The following OGDH variants were observed in gnomAD, a reference collection of about 807,000 sequenced individuals.
The protein encoded by OGDH is oxoglutarate dehydrogenase.
In OGDH, 38 loss-of-function variants were observed where a neutral mutation model predicts 116.6. The observed-to-expected ratio is 0.33, with a 90% CI of 0.25 to 0.43. The LOEUF (loss-of-function observed/expected upper bound fraction) is 0.43, where lower values mean the gene tolerates loss of function less well. OGDH is among the 20% of genes least tolerant of loss of function. The pLI, the probability that OGDH is intolerant of heterozygous loss-of-function variation, is 1.00. For missense variants in OGDH, 825 were observed against 1,357.2 expected (o/e 0.61, Z 6.16); for synonymous variants, 488 against 533.3 (o/e 0.92, Z 1.17).
chr7:44,618,201 A>G (rs1035798866), intron 1 of OGDH, among the ~76,000 whole-genome samples: 1 of 152,230 alleles, frequency 6.6e-6, no homozygotes, highest in Admixed American at 6.5e-5. Flanking sequence ...TGATAAGTTC[A>G]GTTACATTTT....
intron 1 of OGDH, among the ~76,000 whole-genome samples, chr7:44,623,890 C>T (rs148281501): frequency 0.038 from 5,846 of 152,270 alleles, 149 homozygotes; most frequent in Middle Eastern, 0.075. Flanking sequence ...GTGATCCACC[C>T]GCCTTGGCCT....
chr7:44,663,700 A>G (rs889630532), intron 4 of OGDH, among the ~76,000 whole-genome samples: 1 of 152,140 alleles, frequency 6.6e-6, no homozygotes, highest in African/African-American at 2.4e-5. Context: ...CTCAAGCCCG[A>G]GAGGCGGAAG....
chr7:44,679,268 G>T (rs1787827136), intron 9 of OGDH, among the ~76,000 whole-genome samples: 1 of 152,180 alleles, frequency 6.6e-6, no homozygotes, highest in African/African-American at 2.4e-5. Context: ...TCGGGATCAG[G>T]AAAGCATGAA....
chr7:44,642,360 G>A (rs186984197), intron 2 of OGDH, among the ~76,000 whole-genome samples: 3 of 152,306 alleles, frequency 2.0e-5, no homozygotes, highest in East Asian at 1.9e-4. Context: ...GGAGGTGGGG[G>A]TTACATTGAG....
intron 10 of OGDH, among the ~76,000 whole-genome samples, chr7:44,683,955 C>T (rs1788031156): frequency 6.6e-6 from 1 of 152,146 alleles, no homozygotes; most frequent in South Asian, 2.1e-4. Context: ...CATCACAGAC[C>T]TTATAGTTTA....
At chr7:44,650,451 G>A (rs957942331) in intron 4 of OGDH, among the ~76,000 whole-genome samples, 4 of 152,164 alleles carry the variant, frequency 2.6e-5, no homozygotes. Context: ...TAAGGCAGGG[G>A]TGATGGTACC....
chr7:44,705,076 G>A (rs187063289), intron 20 of OGDH, among the ~76,000 whole-genome samples: 1,187 of 87,192 alleles, frequency 0.014, 7 homozygotes, highest in Non-Finnish European at 0.016. Flanking sequence ...TTTTTGAGAC[G>A]GAGTCTCGCT....
At chr7:44,693,372 C>G (rs1402441571) in intron 10 of OGDH, among the ~76,000 whole-genome samples, 1 of 151,460 alleles carries the variant, frequency 6.6e-6, no homozygotes, top group Non-Finnish European at 1.5e-5. Flanking sequence ...TTCGGGAAGC[C>G]GAGACAGGAG....
chr7:44,639,194 G>C (rs1261887328), intron 2 of OGDH, among the ~76,000 whole-genome samples: 2 of 152,226 alleles, frequency 1.3e-5, no homozygotes, highest in Non-Finnish European at 2.9e-5. Context: ...CCAGATTCAG[G>C]TGTTCAGAGG....
At chr7:44,682,455 T>G (rs1787969105) in intron 10 of OGDH, among the ~76,000 whole-genome samples, 1 of 151,882 alleles carries the variant, frequency 6.6e-6, no homozygotes, top group South Asian at 2.1e-4. Context: ...CCCAGCACTT[T>G]GGGAGGCCAA....
intron 17 of OGDH, 118 bp from the exon 18 acceptor site, chr7:44,698,074 C>A: frequency 8.4e-7 from 1 of 1,189,472 alleles, no homozygotes; most frequent in Non-Finnish European, 1.2e-6. Flanking sequence ...GGAACTGAAC[C>A]CTGCCATCAA....
At chr7:44,674,184 ACAGAGG>A (rs1787589681) in intron 6 of OGDH, among the ~76,000 whole-genome samples, 1 of 152,210 alleles carries the variant, frequency 6.6e-6, no homozygotes. Flanking sequence ...AGCAGGGATT[ACAGAGG>A]CACACCACCA....
In OGDH at chr7:44,694,268, C is replaced by T. The variant is rs1195496205; in HGVS notation, c.1516-156C>T. On this transcript the variant is annotated intron_variant, in intron 11 of 22. Coordinates refer to ENST00000222673, the MANE Select transcript of OGDH (RefSeq NM_002541.4). This position sits in a 1 kb window ranked among gnomAD's most constrained non-coding sequence, Gnocchi z 4.2. ...AGCTCTACTGTGTGAAGGAGAGATA[C>T]ACAGAATCCTAATTCTAGAGAAGGT... 6.6e-6 allele frequency among the ~76,000 whole-genome samples: 1 copy of T among 152,100 alleles called. No homozygotes were observed. Among genetic ancestry groups the T allele is most frequent in the African/African-American group, 2.4e-5 (1 of 41,428 alleles).
chr7:44,680,858 C>T (rs1175492954), intron 9 of OGDH, among the ~76,000 whole-genome samples: 1 of 152,176 alleles, frequency 6.6e-6, no homozygotes, highest in African/African-American at 2.4e-5. Flanking sequence ...GAAAGGGAGG[C>T]AGCTGGACAG....
At chr7:44,695,998 C>T in intron 12 of OGDH, 27 bp from the exon 13 acceptor site, 1 of 1,280,852 alleles carries the variant, frequency 7.8e-7, no homozygotes. Flanking sequence ...CTGTGCCAGT[C>T]ACGCTGTGTT....
chr7:44,619,840 T>C (rs1282385638), intron 1 of OGDH, among the ~76,000 whole-genome samples: 1 of 152,182 alleles, frequency 6.6e-6, no homozygotes, highest in Non-Finnish European at 1.5e-5. Context: ...TTAGTATATC[T>C]TCTTTGGACA....
chr7:44,619,025 A>G (rs552328144), intron 1 of OGDH, among the ~76,000 whole-genome samples: 27 of 152,342 alleles, frequency 1.8e-4, no homozygotes, highest in Non-Finnish European at 3.7e-4. Flanking sequence ...TGAAGTCTCC[A>G]TAAAAGGCCC....
At chr7:44,664,116 T>C (rs1316613484) in intron 4 of OGDH, among the ~76,000 whole-genome samples, 2 of 152,168 alleles carry the variant, frequency 1.3e-5, no homozygotes, top group East Asian at 1.9e-4. Flanking sequence ...ATTTTGGGTA[T>C]GGTGAGAGTC....
intron 2 of OGDH, among the ~76,000 whole-genome samples, chr7:44,626,336 TACACACAC>T (rs138545641): frequency 2.1e-5 from 3 of 144,304 alleles, no homozygotes; most frequent in African/African-American, 5.2e-5. Context: ...CACACACCCC[TACACACAC>T]ACACACACAC....
Sources: allele counts gnomAD v4.1 joint callset (sites outside exome capture counted in the v4.1 genomes callset), GRCh38; gene constraint gnomAD v4.1.1; non-coding constraint Gnocchi (gnomAD v3.1); transcripts MANE v1.5; gene names NCBI Gene and HGNC (gene_info 2026-07-23, HGNC 2026-07-21).